Variants in PRKN observed in about 807,000 individuals in gnomAD.
PRKN encodes the protein E3 ubiquitin-protein ligase parkin.
PRKN carries 56 observed loss-of-function variants against 59.5 expected under a neutral mutation model. The observed-to-expected ratio is 0.94, with a 90% CI of 0.76 to 1.18. The LOEUF is 1.18. PRKN is among the 50% of genes most tolerant of loss of function. The pLI is 0.00. For missense variants in PRKN, 657 were observed against 596.4 expected (o/e 1.10, Z -1.06); for synonymous variants, 250 against 222.1 (o/e 1.13, Z -1.12).
rs567127894 is a variant in PRKN, at chr6:162,717,970, A to G, written c.7+9692T>C. Among the ~76,000 whole-genome samples, 20 of 152,362 alleles carry G rather than the reference A, an allele frequency of 1.3e-4. No individual in the cohort carries two copies. In the South Asian group the frequency reaches 4.1e-3, roughly 32 times the overall value. Reference sequence around the variant, plus strand: ...GCTTAACGCTGAAGATCTGAAAAACACAATCATAATAAAAGAAAACATCCC... The same window carrying G: ...GCTTAACGCTGAAGATCTGAAAAACGCAATCATAATAAAAGAAAACATCCC... On this transcript the variant is annotated intron_variant, in intron 1 of 11. Transcript: ENST00000366898.
chr6:162,498,592 T>A (rs1207394308), intron 1 of PRKN, among the ~76,000 whole-genome samples: 1 of 151,184 alleles, frequency 6.6e-6, no homozygotes, highest in Admixed American at 6.6e-5. Flanking sequence ...ATTACAGGTG[T>A]GCACCACCAC....
chr6:162,663,199 A>T (rs1224241696), intron 1 of PRKN, among the ~76,000 whole-genome samples: 2 of 152,198 alleles, frequency 1.3e-5, no homozygotes, highest in Non-Finnish European at 1.5e-5. Flanking sequence ...AATAGTTCAC[A>T]TGGATTAATT....
intron 1 of PRKN, among the ~76,000 whole-genome samples, chr6:162,492,521 G>C (rs532104558): frequency 2.0e-5 from 3 of 152,178 alleles, no homozygotes; most frequent in Non-Finnish European, 2.9e-5. Flanking sequence ...AAGAATGGCC[G>C]GGTGCAGTGG....
intron 7 of PRKN, among the ~76,000 whole-genome samples, chr6:161,771,379 A>AT (rs1562670929): frequency 1.5e-5 from 2 of 137,354 alleles, no homozygotes; most frequent in Admixed American, 6.9e-5. Flanking sequence ...AAATAAAATA[A>AT]AATAAAATAA....
chr6:162,390,784 A>G lies in PRKN; in HGVS notation c.171+52526T>C, dbSNP rs186739370. 3.1e-4 allele frequency among the ~76,000 whole-genome samples: 47 copies of G among 152,216 alleles called. 1 individual carries two copies. The East Asian group carries it at 7.5e-3, about 24-fold the overall frequency. On this transcript the variant is annotated intron_variant, in intron 2 of 11. Transcript: ENST00000366898. ...ACGGTCAGTTTAGTATTATTTGACT[A>G]TTTGTTAACATAATAGGAGTAAAAC...
chr6:161,859,200 C>T (rs556317035), intron 6 of PRKN, among the ~76,000 whole-genome samples: 8 of 151,958 alleles, frequency 5.3e-5, no homozygotes, highest in Middle Eastern at 3.4e-3. Context: ...GTAAGGCTTC[C>T]GTAAGAGTTT....
At chr6:162,547,972 AG>A (rs1290043348) in intron 1 of PRKN, among the ~76,000 whole-genome samples, 2 of 152,162 alleles carry the variant, frequency 1.3e-5, no homozygotes, top group African/African-American at 4.8e-5. Flanking sequence ...GGCTGTGCCA[AG>A]GACACAAAGT....
intron 7 of PRKN, among the ~76,000 whole-genome samples, chr6:161,687,002 T>C (rs1450254130): frequency 6.6e-6 from 1 of 152,132 alleles, no homozygotes; most frequent in Non-Finnish European, 1.5e-5. Flanking sequence ...GTGCACTTTA[T>C]AGAGAATGAA....
intron 7 of PRKN, among the ~76,000 whole-genome samples, chr6:161,587,787 C>T (rs1203682558): frequency 6.6e-6 from 1 of 152,016 alleles, no homozygotes; most frequent in Non-Finnish European, 1.5e-5. Flanking sequence ...GCTTTTATTC[C>T]TCTCATTCTT....
At chr6:161,935,700 T>C (rs950466314) in intron 6 of PRKN, among the ~76,000 whole-genome samples, 1 of 152,198 alleles carries the variant, frequency 6.6e-6, no homozygotes, top group African/African-American at 2.4e-5. Context: ...CTGATGTTTC[T>C]TGAAAATTTT....
At chr6:162,727,277 G>GAGGTGAGGGGCGAAGGTGAGGGGCGA in intron 1 of PRKN, 1 of 228,662 alleles carries the variant, frequency 4.4e-6, no homozygotes, top group South Asian at 6.8e-5. Context: ...ACCGGCCAGT[G>GAGGTGAGGGGCGAAGGTGAGGGGCGA]AGGTGAGGGG....
chr6:161,484,801 G>C lies in PRKN; in HGVS notation c.1083+64053C>G, dbSNP rs1177703805. Among the ~76,000 whole-genome samples the C allele has an allele frequency of 6.6e-6, 1 of 152,064 alleles. No individual in the cohort carries two copies. The highest frequency in any genetic ancestry group is 2.4e-5 in the African/African-American group (1 of 41,392). On this transcript the variant is annotated intron_variant, in intron 9 of 11. Transcript: ENST00000366898. The surrounding 1 kb of genome is among the most constrained non-coding windows in gnomAD (Gnocchi z 4.9). Reference sequence around the variant, plus strand: ...TCCAGACATGACCAAATATCCCCTGGGGACAAAATCGCTGGCAACTGAGCA... The same window carrying C: ...TCCAGACATGACCAAATATCCCCTGCGGACAAAATCGCTGGCAACTGAGCA...
At chr6:162,707,686 C>T (rs1778386207) in intron 1 of PRKN, among the ~76,000 whole-genome samples, 1 of 151,932 alleles carries the variant, frequency 6.6e-6, no homozygotes, top group Non-Finnish European at 1.5e-5. Flanking sequence ...GTGATTCTCA[C>T]GCCTCAGCCT....
chr6:162,584,331 C>T (rs1460261079), intron 1 of PRKN, among the ~76,000 whole-genome samples: 1 of 151,750 alleles, frequency 6.6e-6, no homozygotes, highest in African/African-American at 2.4e-5. Context: ...TCTGATATAC[C>T]TTTAAAGTTA....
rs561040338 is a variant in PRKN at position 162,550,461 on chromosome 6, G to C, written c.8-106988C>G. ...CACTTCTCAGAGTTGTCCCGTTTGGGGGATGGGCAGATGATGAGAGTTGGG... is the reference window on the plus strand; with the variant it reads ...CACTTCTCAGAGTTGTCCCGTTTGGCGGATGGGCAGATGATGAGAGTTGGG... On this transcript the variant is annotated intron_variant, in intron 1 of 11. Transcript: ENST00000366898. Among the ~76,000 whole-genome samples, 18 of 152,232 alleles carry C rather than the reference G, an allele frequency of 1.2e-4. No individual in the cohort carries two copies. The South Asian group carries it at 2.7e-3, about 23-fold the overall frequency.
At chr6:161,685,116 T>C (rs1785505927) in intron 7 of PRKN, among the ~76,000 whole-genome samples, 1 of 152,250 alleles carries the variant, frequency 6.6e-6, no homozygotes, top group Admixed American at 6.5e-5. Flanking sequence ...AAAATATTCA[T>C]TTTTTAAATT....
chr6:162,030,091 C>T (rs932878675), intron 5 of PRKN, among the ~76,000 whole-genome samples: 4 of 152,192 alleles, frequency 2.6e-5, no homozygotes, highest in African/African-American at 9.7e-5. Context: ...CTTCTCACCT[C>T]AGCCTCTGAA....
At position 161,349,822 on chromosome 6, in the gene PRKN, T is replaced by C. The variant is rs1687487759; in HGVS notation, c.*277A>G. The C allele has an allele frequency of 1.9e-6, 1 of 531,274 alleles. No individual in the cohort carries two copies. The highest frequency in any genetic ancestry group is 3.4e-6 in the Non-Finnish European group (1 of 290,984). 32.9% of individuals were successfully genotyped at this position (531,274 alleles called of 1,614,324 possible). A position where few individuals can be genotyped will look rare whatever the true frequency, so the allele number is the denominator to read the frequency against. On this transcript the variant is annotated 3_prime_UTR_variant, in exon 12 of 12. Transcript: ENST00000366898. The surrounding 1 kb of genome is among the most constrained non-coding windows in gnomAD (Gnocchi z 5.5). ...TCCGGAGGCTGAGAACGCCTGTTGG[T>C]GGTGTCGCAGATGGCTCTGCTGTCT...
intron 4 of PRKN, among the ~76,000 whole-genome samples, chr6:162,149,127 G>C (rs1782152570): frequency 6.6e-6 from 1 of 152,148 alleles, no homozygotes; most frequent in Admixed American, 6.5e-5. Flanking sequence ...ACAATTCATT[G>C]TTACTTTGCA....
Sources: gnomAD v4.1 joint callset for allele counts (sites outside exome capture counted in the v4.1 genomes callset) on GRCh38, gnomAD v4.1.1 for gene constraint, Gnocchi (gnomAD v3.1) non-coding constraint, MANE v1.5 for transcripts, NCBI Gene and HGNC (gene_info 2026-07-23, HGNC 2026-07-21) for gene names.